RBFOX3: variants seen among roughly 807,000 people sequenced by gnomAD.
The protein encoded by RBFOX3 is RNA binding fox-1 homolog 3.
Under a neutral mutation model 48.7 loss-of-function variants are expected in RBFOX3, and 17 were observed. The observed-to-expected ratio is 0.35, with a 90% CI of 0.24 to 0.52. The LOEUF (loss-of-function observed/expected upper bound fraction) is 0.52, where lower values mean the gene tolerates loss of function less well. Ranked by LOEUF, RBFOX3 falls within the 20% of genes least tolerant of loss-of-function variation. The pLI is 0.94. For missense variants in RBFOX3, 382 were observed against 497.5 expected (o/e 0.77, Z 2.21); for synonymous variants, 212 against 209.5 (o/e 1.01, Z -0.10).
At chr17:79,324,416 C>T (rs540683838) in intron 2 of RBFOX3, among the ~76,000 whole-genome samples, 2 of 152,316 alleles carry the variant, frequency 1.3e-5, no homozygotes, top group African/African-American at 4.8e-5. Flanking sequence ...GCTCAGGAAG[C>T]CTCCGAAGCA....
intron 1 of RBFOX3, among the ~76,000 whole-genome samples, chr17:79,570,402 GAT>G (rs1431696866): frequency 1.5e-4 from 21 of 141,474 alleles, no homozygotes; most frequent in Non-Finnish European, 3.0e-4. Flanking sequence ...GTAGATAGAA[GAT>G]AGATAGATGG....
chr17:79,313,043 G>A (rs1448581900), intron 2 of RBFOX3, among the ~76,000 whole-genome samples: 1 of 152,216 alleles, frequency 6.6e-6, no homozygotes, highest in Non-Finnish European at 1.5e-5. Flanking sequence ...TGCTGGCAGA[G>A]CTGGGACCCA....
chr17:79,427,970 G>T (rs7224791), intron 2 of RBFOX3, among the ~76,000 whole-genome samples: 2 of 152,256 alleles, frequency 1.3e-5, no homozygotes, highest in South Asian at 2.1e-4. Flanking sequence ...TGCTGGTTAC[G>T]GCTGGCACTT....
the RBFOX3 span, among the ~76,000 whole-genome samples, chr17:79,630,453 G>A: frequency 1.3e-5 from 2 of 152,146 alleles, no homozygotes; most frequent in African/African-American, 4.8e-5. Flanking sequence ...AGCTCTTCTC[G>A]GAGGAAATGT....
chr17:79,582,965 G>T (rs1470031801), intron 1 of RBFOX3, among the ~76,000 whole-genome samples: 2 of 152,104 alleles, frequency 1.3e-5, no homozygotes, highest in Non-Finnish European at 2.9e-5. Flanking sequence ...TGGGCCTCTG[G>T]TGCCCACTTC....
intron 4 of RBFOX3, among the ~76,000 whole-genome samples, chr17:79,203,010 C>T (rs1020366336): frequency 1.3e-5 from 2 of 152,134 alleles, no homozygotes; most frequent in Non-Finnish European, 2.9e-5. Context: ...CTCCCCAGTG[C>T]CCCTCCCTCC....
chr17:79,104,924 A>ACGGTGACCTGAACTCAGGCCCTGC (rs55759994), intron 6 of RBFOX3, among the ~76,000 whole-genome samples: 1 of 152,010 alleles, frequency 6.6e-6, no homozygotes, highest in Non-Finnish European at 1.5e-5. Context: ...GTGCTGAGCA[A>ACGGTGACCTGAACTCAGGCCCTGC]CTGTTCAGGT....
chr17:79,430,394 C>T (rs1555727863), intron 2 of RBFOX3, among the ~76,000 whole-genome samples: 1 of 152,184 alleles, frequency 6.6e-6, no homozygotes, highest in African/African-American at 2.4e-5. Flanking sequence ...AAACCCCTGC[C>T]TACAGTTAAG....
chr17:79,296,838 C>A, intron 3 of RBFOX3, among the ~76,000 whole-genome samples: 1 of 127,734 alleles, frequency 7.8e-6, no homozygotes, highest in African/African-American at 3.0e-5. Context: ...CTTCCTCCCC[C>A]CTCCTCCCCC....
In RBFOX3 at chr17:79,283,555, T is replaced by C. The variant is rs537499430; in HGVS notation, c.-74+24169A>G. On this transcript the variant is annotated intron_variant, in intron 3 of 14. Transcript: ENST00000693108. ...AAGTGCTGGGATTACAGGCGTGAGC[T>C]ATCGCATGTGAATTCGGTCTAGATT... is the stretch of plus-strand genomic sequence containing the variant. Among the ~76,000 whole-genome samples the C allele has an allele frequency of 3.3e-5, 5 of 152,258 alleles. No homozygotes were observed. In the South Asian group the frequency reaches 1.0e-3, roughly 32 times the overall value.
At chr17:79,661,393 G>A in the RBFOX3 span, among the ~76,000 whole-genome samples, 4 of 152,202 alleles carry the variant, frequency 2.6e-5, no homozygotes, top group African/African-American at 9.7e-5. Flanking sequence ...ATTATTTGGT[G>A]AGGTTCATAG....
rs532630283 is a variant in RBFOX3, at chr17:79,212,567, A to C, written c.-34+23199T>G. Reference sequence around the variant, plus strand: ...TTGTTCTTCATAAAGAGTAGATTTCAGAGCAACTTAACTTCTTTCACAAGC... The same window carrying C: ...TTGTTCTTCATAAAGAGTAGATTTCCGAGCAACTTAACTTCTTTCACAAGC... On this transcript the variant is annotated intron_variant, in intron 4 of 14. Transcript: ENST00000693108. This position sits in a 1 kb window ranked among gnomAD's most constrained non-coding sequence, Gnocchi z 4.7. Among the ~76,000 whole-genome samples, 2 of 152,332 alleles carry C rather than the reference A, an allele frequency of 1.3e-5. No individual in the cohort carries two copies. The highest frequency in any genetic ancestry group is 4.8e-5 in the African/African-American group (2 of 41,580).
In RBFOX3 at chr17:79,243,006, A is replaced by AT. The variant is rs1417354026; in HGVS notation, c.-73-7202dup. 1.3e-5 allele frequency among the ~76,000 whole-genome samples: 2 copies of AT among 151,940 alleles called. No homozygotes were observed. The highest frequency in any genetic ancestry group is 2.4e-5 in the African/African-American group (1 of 41,392). ...AGCATGCATGCCTAGCACTTGCTGA[A>AT]TGTATGCCAGGCTACCTGCTGGGGA... On this transcript the variant is annotated intron_variant, in intron 3 of 14. Coordinates refer to ENST00000693108, the MANE Select transcript of RBFOX3 (RefSeq NM_001350451.2). The surrounding 1 kb of genome is among the most constrained non-coding windows in gnomAD (Gnocchi z 7.9).
chr17:79,301,077 T>G (rs1236564146), intron 3 of RBFOX3, among the ~76,000 whole-genome samples: 1 of 152,136 alleles, frequency 6.6e-6, no homozygotes, highest in Non-Finnish European at 1.5e-5. Flanking sequence ...TCACTGCACC[T>G]CGGCAGTTTT....
At chr17:79,454,806 T>G (rs1256218698) in intron 2 of RBFOX3, among the ~76,000 whole-genome samples, 1 of 152,168 alleles carries the variant, frequency 6.6e-6, no homozygotes, top group Non-Finnish European at 1.5e-5. Context: ...GAAGATGACA[T>G]GAGCTGAGCC....
At chr17:79,179,703 C>T (rs867601847) in intron 4 of RBFOX3, among the ~76,000 whole-genome samples, 25 of 152,122 alleles carry the variant, frequency 1.6e-4, no homozygotes, top group African/African-American at 5.6e-4. Context: ...GGGTTTTTTC[C>T]TCCTATCCTC....
chr17:79,417,528 C>T lies in RBFOX3; in HGVS notation c.-175+64926G>A, dbSNP rs116532206. Among the ~76,000 whole-genome samples the T allele has an allele frequency of 1.2e-4, 18 of 152,316 alleles. 2 individuals are homozygous for T. The highest frequency in any genetic ancestry group is 4.6e-4 in the Admixed American group (7 of 15,294). The stretch of plus-strand genomic sequence containing the variant: ...CCTGACTACAAGCCAATGGGCTGCC[C>T]GACACCCATAAGGATGGCTGCTATC... On this transcript the variant is annotated intron_variant, in intron 2 of 14. Coordinates refer to ENST00000693108, the MANE Select transcript of RBFOX3 (RefSeq NM_001350451.2).
At chr17:79,378,618 G>A (rs1486985242) in intron 2 of RBFOX3, among the ~76,000 whole-genome samples, 2 of 152,138 alleles carry the variant, frequency 1.3e-5, no homozygotes, top group East Asian at 3.9e-4. Flanking sequence ...CTGGGGCTGT[G>A]TGGGGGGCCC....
chr17:79,108,595 G>T (rs1473190482), intron 5 of RBFOX3, among the ~76,000 whole-genome samples: 1 of 152,236 alleles, frequency 6.6e-6, no homozygotes, highest in Non-Finnish European at 1.5e-5. Flanking sequence ...CTACAGCTAA[G>T]TGGCCACAGC....
Sources: gnomAD v4.1 joint callset for allele counts (sites outside exome capture counted in the v4.1 genomes callset) on GRCh38, gnomAD v4.1.1 for gene constraint, Gnocchi (gnomAD v3.1) non-coding constraint, MANE v1.5 for transcripts, NCBI Gene and HGNC (gene_info 2026-07-23, HGNC 2026-07-21) for gene names.